Variants in SLC1A2 observed in about 807,000 individuals in gnomAD.
SLC1A2 encodes solute carrier family 1 member 2, also known as excitatory amino acid transporter 2.
A neutral mutation model predicts 48.8 loss-of-function variants in SLC1A2; 15 were observed. That is an observed-to-expected ratio of 0.31 (90% CI 0.21 to 0.47). The LOEUF is 0.47. Ranked by LOEUF, SLC1A2 falls within the 20% of genes least tolerant of loss-of-function variation. The pLI is 0.99. For synonymous variants in SLC1A2, 279 were observed against 272.6 expected, an observed-to-expected ratio of 1.02 and a Z score of -0.23; for missense variants, 502 against 730.5, an observed-to-expected ratio of 0.69 and a Z score of 3.61.
rs751019177 is a variant in SLC1A2 at position 35,255,175 on chromosome 11, T to C, written c.*5719A>G. 1 of 219,860 alleles carries C rather than the reference T, an allele frequency of 4.5e-6. No individual in the cohort carries two copies. The highest frequency in any genetic ancestry group is 9.2e-6 in the Non-Finnish European group (1 of 108,930). 13.6% of individuals were successfully genotyped at this position (219,860 alleles called of 1,614,324 possible). A position where few individuals can be genotyped will look rare whatever the true frequency, so the allele number is the denominator to read the frequency against. On this transcript the variant is annotated 3_prime_UTR_variant, in exon 11 of 11. Coordinates refer to ENST00000278379, the MANE Select transcript of SLC1A2 (RefSeq NM_004171.4). ...TTCACAACACAACAAATACCAACAC[T>C]ACTCTATTTAGCAGAAGTTTGGACA...
chr11:35,292,985 GAGAC>G (rs1051753115), intron 6 of SLC1A2, among the ~76,000 whole-genome samples: 2 of 107,866 alleles, frequency 1.9e-5, no homozygotes, highest in African/African-American at 5.2e-5. Context: ...AAATGAGAGA[GAGAC>G]AGAGAGAGAG....
At chr11:35,399,675 T>A (rs1414913866) in intron 1 of SLC1A2, 1 of 884,486 alleles carries the variant, frequency 1.1e-6, no homozygotes, top group African/African-American at 1.8e-5. Flanking sequence ...TATTCAGCTC[T>A]TTCCATCTGC....
At chr11:35,314,230 A>G (rs1197127029) in intron 3 of SLC1A2, among the ~76,000 whole-genome samples, 3 of 152,214 alleles carry the variant, frequency 2.0e-5, no homozygotes, top group Non-Finnish European at 4.4e-5. Flanking sequence ...AAAATAAGTG[A>G]ACATGATGCC....
intron 1 of SLC1A2, among the ~76,000 whole-genome samples, chr11:35,415,688 T>C (rs1855583117): frequency 6.6e-6 from 1 of 152,240 alleles, no homozygotes; most frequent in Non-Finnish European, 1.5e-5. Context: ...GTTTTTCCAC[T>C]GTCAGCAGTT....
At chr11:35,322,807 T>C (rs756211919) in intron 1 of SLC1A2, 226 of 708,226 alleles carry the variant, frequency 3.2e-4, no homozygotes, top group Admixed American at 5.0e-4. Flanking sequence ...AAGCAGAGAT[T>C]TCAGCTTTGA....
intron 1 of SLC1A2, among the ~76,000 whole-genome samples, chr11:35,367,940 C>T (rs4287314): frequency 0.75 from 114,067 of 152,098 alleles, 43,070 homozygotes; most frequent in East Asian, 0.95. Context: ...CCATTTTTTA[C>T]TGAATTCTAG....
intron 1 of SLC1A2, among the ~76,000 whole-genome samples, chr11:35,377,464 T>G (rs1854279170): frequency 6.6e-6 from 1 of 152,216 alleles, no homozygotes; most frequent in African/African-American, 2.4e-5. Context: ...TTCCATCTGT[T>G]CGTTACCAAA....
At position 35,258,337 on chromosome 11, in the gene SLC1A2, C is replaced by T. The variant is rs1950342200; in HGVS notation, c.*2557G>A. 1.3e-5 allele frequency: 2 copies of T among 152,222 alleles called. No homozygotes were observed. The highest frequency in any genetic ancestry group is 2.9e-5 in the Non-Finnish European group (2 of 68,040). The allele number at this position is 152,222 out of a possible 1,614,324, so 9.4% of individuals were successfully genotyped here. ...TTGTACACCTTGTTTCTTCCAAACACATTGTCTGCTGACATATTTACAGGC... is the reference window on the plus strand; with the variant it reads ...TTGTACACCTTGTTTCTTCCAAACATATTGTCTGCTGACATATTTACAGGC... On this transcript the variant is annotated 3_prime_UTR_variant, in exon 11 of 11. Coordinates refer to ENST00000278379, the MANE Select transcript of SLC1A2 (RefSeq NM_004171.4).
chr11:35,415,866 C>G lies in SLC1A2; in HGVS notation c.17+3084G>C, dbSNP rs561370987. On this transcript the variant is annotated intron_variant, in intron 1 of 10. Transcript: ENST00000278379. ...CTCCAAGAAGATATTTCTAAAATGC[C>G]TGCCTCTTCAGCATCTGGACACTCC... is the stretch of plus-strand genomic sequence containing the variant. Among the ~76,000 whole-genome samples, 14 of 152,302 alleles carry G rather than the reference C, an allele frequency of 9.2e-5. No homozygotes were observed. In the South Asian group the frequency reaches 2.9e-3, roughly 32 times the overall value.
intron 1 of SLC1A2, among the ~76,000 whole-genome samples, chr11:35,398,512 G>T (rs1486015938): frequency 2.0e-5 from 3 of 152,186 alleles, no homozygotes; most frequent in East Asian, 3.9e-4. Context: ...GTCTACTTGA[G>T]GGTGGAGGGT....
chr11:35,379,516 T>C (rs1854353785), intron 1 of SLC1A2, among the ~76,000 whole-genome samples: 2 of 152,244 alleles, frequency 1.3e-5, no homozygotes. Context: ...AGAGATCACC[T>C]AGCAATTTGG....
intron 8 of SLC1A2, 139 bp downstream of exon 8, chr11:35,286,618 G>A: frequency 3.4e-6 from 2 of 580,242 alleles, no homozygotes; most frequent in Non-Finnish European, 2.9e-6. Context: ...TTTGAAGGCT[G>A]CCAATAGTTT....
At chr11:35,277,785 A>AT (rs1487766645) in intron 9 of SLC1A2, among the ~76,000 whole-genome samples, 3 of 102,124 alleles carry the variant, frequency 2.9e-5, no homozygotes, top group Non-Finnish European at 4.7e-5. Context: ...ATGTGGATGG[A>AT]CCCAATTATC....
chr11:35,312,600 G>C (rs1439606955), intron 3 of SLC1A2, 152 bp from the exon 4 acceptor site: 8 of 969,534 alleles, frequency 8.3e-6, no homozygotes, highest in African/African-American at 8.2e-5. Flanking sequence ...ATCCATGAGA[G>C]GGTTGGTTCT....
intron 1 of SLC1A2, among the ~76,000 whole-genome samples, chr11:35,361,569 C>A (rs1425625680): frequency 6.6e-6 from 1 of 152,164 alleles, no homozygotes; most frequent in Non-Finnish European, 1.5e-5. Flanking sequence ...GCATCAAAAT[C>A]TCCCATATCA....
intron 1 of SLC1A2, chr11:35,322,474 G>T: frequency 1.3e-6 from 1 of 747,814 alleles, no homozygotes; most frequent in Non-Finnish European, 2.2e-6. Context: ...ATTTGATGAG[G>T]TGGCAACAGA....
intron 1 of SLC1A2, among the ~76,000 whole-genome samples, chr11:35,320,489 C>T (rs1333022471): frequency 6.6e-6 from 1 of 152,144 alleles, no homozygotes; most frequent in African/African-American, 2.4e-5. Context: ...AAGAAGGGGT[C>T]CCAGAAGGGG....
At chr11:35,363,757 C>T (rs1853757532) in intron 1 of SLC1A2, among the ~76,000 whole-genome samples, 1 of 152,112 alleles carries the variant, frequency 6.6e-6, no homozygotes, top group Admixed American at 6.5e-5. Flanking sequence ...GGACCTGAGC[C>T]AAAGAAAGAA....
rs148978652 is a variant in SLC1A2, at chr11:35,348,423, G to A, written c.18-30907C>T. On this transcript the variant is annotated intron_variant, in intron 1 of 10. Transcript: ENST00000278379. ...TTTCTCAACCCTCAATAGGGTGCTC[G>A]CATGTAGCAGATACTCAATAAATGA... is the stretch of plus-strand genomic sequence containing the variant. Among the ~76,000 whole-genome samples the A allele has an allele frequency of 7.0e-4, 81 of 116,136 alleles. 1 individual carries two copies. The highest frequency in any genetic ancestry group is 2.1e-3 in the African/African-American group (75 of 34,952). The allele number at this position is 116,136 out of a possible 152,430, so 76.2% of individuals were successfully genotyped here. A position where few individuals can be genotyped will look rare whatever the true frequency, so the allele number is the denominator to read the frequency against.
Sources: gnomAD v4.1 joint callset for allele counts (sites outside exome capture counted in the v4.1 genomes callset) on GRCh38, gnomAD v4.1.1 for gene constraint, MANE v1.5 for transcripts, NCBI Gene and HGNC (gene_info 2026-07-23, HGNC 2026-07-21) for gene names.